CENPC: variants seen among roughly 807,000 people sequenced by gnomAD.
The protein encoded by CENPC is CENP-C 1.
CENPC carries 63 observed loss-of-function variants against 112.1 expected under a neutral mutation model. The ratio of observed to expected loss-of-function variants is 0.56; its 90% CI spans 0.46 to 0.69. CENPC has a LOEUF of 0.69. CENPC is among the 30% of genes least tolerant of loss of function. The pLI is 0.00. For synonymous variants in CENPC, 333 were observed against 367.6 expected, an observed-to-expected ratio of 0.91 and a Z score of 1.08; for missense variants, 1,000 against 1,103.8, an observed-to-expected ratio of 0.91 and a Z score of 1.33.
chr4:67,484,102 T>G (rs1383405072), intron 17 of CENPC, among the ~76,000 whole-genome samples: 1 of 152,176 alleles, frequency 6.6e-6, no homozygotes, highest in African/African-American at 2.4e-5. Context: ...AAAGCTCCAT[T>G]CATGGTAAGT....
At chr4:67,512,183 G>T in intron 9 of CENPC, 1 of 390,334 alleles carries the variant, frequency 2.6e-6, no homozygotes, top group Non-Finnish European at 4.5e-6. Context: ...TTTCTGGTTT[G>T]GGGTTTTGTT....
chr4:67,493,092 T>C, intron 14 of CENPC, 95 bp from the exon 15 acceptor site: 1 of 987,552 alleles, frequency 1.0e-6, no homozygotes. Flanking sequence ...CCTTTCAAAG[T>C]ACCAAAGAAT....
chr4:67,517,176 T>A (rs1208257231), intron 7 of CENPC, among the ~76,000 whole-genome samples: 2 of 151,804 alleles, frequency 1.3e-5, no homozygotes, highest in Non-Finnish European at 2.9e-5. Flanking sequence ...TCCTTTTTAT[T>A]TTTGAGACTG....
At chr4:67,542,605 G>C (rs1726918834) in intron 2 of CENPC, among the ~76,000 whole-genome samples, 1 of 152,144 alleles carries the variant, frequency 6.6e-6, no homozygotes, top group African/African-American at 2.4e-5. Flanking sequence ...GGTGATGGAG[G>C]TAATTCTGAT....
At chr4:67,542,550 C>T (rs1198357076) in intron 2 of CENPC, among the ~76,000 whole-genome samples, 7 of 152,162 alleles carry the variant, frequency 4.6e-5, no homozygotes, top group East Asian at 1.9e-4. Context: ...CAGAAATACA[C>T]TTAATTGGTC....
rs1371291549 is a variant in CENPC, at chr4:67,545,252, C to T, written c.18+86G>A. The T allele has an allele frequency of 4.5e-6, 6 of 1,322,608 alleles. 1 individual carries two copies. In the East Asian group the frequency reaches 8.9e-5, roughly 20 times the overall value. The allele number at this position is 1,322,608 out of a possible 1,614,324, so 81.9% of individuals were successfully genotyped here. A position where few individuals can be genotyped will look rare whatever the true frequency, so the allele number is the denominator to read the frequency against. On this transcript the variant is annotated intron_variant, in intron 1 of 18. Coordinates refer to ENST00000273853, the MANE Select transcript of CENPC (RefSeq NM_001812.4). Reference sequence around the variant, plus strand: ...ATCCCTCAGAGATCACAGCCTCAGCCTAGCATTTCCTTCTCCCCAGCCTCG... The same window carrying T: ...ATCCCTCAGAGATCACAGCCTCAGCTTAGCATTTCCTTCTCCCCAGCCTCG...
Position 67,519,270 on chromosome 4 carries a change from A to C in CENPC, c.564T>G (p.Asn188Lys), listed in dbSNP as rs1335080525. 5.6e-6 allele frequency: 9 copies of C among 1,606,470 alleles called. No individual in the cohort carries two copies. Among genetic ancestry groups the C allele is most frequent in the African/African-American group, 4.0e-5 (3 of 74,838 alleles). ...TACTTGAAGGCAGCATATTTACTGA[A>C]TTTTCAAAAGTGTAAGTCTCTCTCT... ...AQKRETYTFE[N>K]SVNMLPSSTE... is the part of the protein sequence containing the mutation. Residue 188 changes from asparagine to lysine, a missense_variant, in exon 6 of 19, where the codon AAT (asparagine) becomes AAG (lysine). Physicochemically the swap from Asn to Lys is moderately conservative, Grantham distance 94. Transcript: ENST00000273853.
chr4:67,500,858 G>A (rs1725573383), intron 12 of CENPC, among the ~76,000 whole-genome samples: 2 of 152,176 alleles, frequency 1.3e-5, no homozygotes, highest in Non-Finnish European at 2.9e-5. Context: ...AGTCTTGAAT[G>A]TATGTTAAGG....
chr4:67,470,614 G>C lies in CENPC; in HGVS notation c.*1991C>G, dbSNP rs372433679. ...AAAAGAAAAGAAAAAAGAAAATAAA[G>C]AAAAAATATTGCTAAAGCTTTGGAA... On this transcript the variant is annotated 3_prime_UTR_variant, in exon 19 of 19. Coordinates refer to ENST00000273853, the MANE Select transcript of CENPC (RefSeq NM_001812.4). 1.5e-5 allele frequency: 2 copies of C among 133,518 alleles called. No homozygotes were observed. Among genetic ancestry groups the C allele is most frequent in the African/African-American group, 5.5e-5 (2 of 36,230 alleles). The allele number at this position is 133,518 out of a possible 1,614,324, so 8.3% of individuals were successfully genotyped here.
At chr4:67,500,748 C>T (rs942103779) in intron 12 of CENPC, among the ~76,000 whole-genome samples, 8 of 151,876 alleles carry the variant, frequency 5.3e-5, no homozygotes, top group African/African-American at 1.9e-4. Context: ...AATTGGCATG[C>T]GGGAGAAAAA....
At chr4:67,479,010 C>A (rs2109762080) in intron 17 of CENPC, among the ~76,000 whole-genome samples, 1 of 152,278 alleles carries the variant, frequency 6.6e-6, no homozygotes, top group African/African-American at 2.4e-5. Flanking sequence ...ACTAGTCCAA[C>A]AGGAAAATAT....
intron 4 of CENPC, among the ~76,000 whole-genome samples, chr4:67,533,971 G>C (rs1402977762): frequency 6.6e-6 from 1 of 152,164 alleles, no homozygotes; most frequent in Non-Finnish European, 1.5e-5. Flanking sequence ...CCAGAGGTTT[G>C]AGGTTGCAGT....
chr4:67,514,686 G>A lies in CENPC; in HGVS notation c.832C>T (p.Pro278Ser). The A allele has an allele frequency of 3.7e-6, 6 of 1,603,844 alleles. No homozygotes were observed. Among genetic ancestry groups the A allele is most frequent in the Non-Finnish European group, 5.1e-6 (6 of 1,175,110 alleles). ...GCAGTTGCCGCATGCCTAACAATGG[G>A]ACTGAAACAGGGTGATACTTTTAAC... The part of the protein sequence containing the change: ...ETVKRKSESS[P>S]IVRHAATAPP... Residue 278 changes from proline (P) to serine (S), a missense_variant and splice_region_variant, in exon 8 of 19, where the codon CCC (proline) becomes TCC (serine). Physicochemically the swap from Pro to Ser is moderately conservative, Grantham distance 74. Coordinates refer to ENST00000273853, the MANE Select transcript of CENPC (RefSeq NM_001812.4).
chr4:67,486,212 T>A (rs355468), intron 17 of CENPC, among the ~76,000 whole-genome samples: 25,600 of 152,096 alleles, frequency 0.17, 2,970 homozygotes, highest in East Asian at 0.57. Context: ...AATAGAATGA[T>A]GAACTCTCAT....
chr4:67,474,330 G>A lies in CENPC; in HGVS notation c.2761+558C>T, dbSNP rs947097291. 2.6e-5 allele frequency among the ~76,000 whole-genome samples: 4 copies of A among 152,232 alleles called. No individual in the cohort carries two copies. The East Asian group carries it at 7.8e-4, about 30-fold the overall frequency. ...TTTGCCCACTTTGGCCTCCTAAAGT[G>A]CTGGTATTACAGGCATGAGCCACCA... On this transcript the variant is annotated intron_variant, in intron 18 of 18. Transcript: ENST00000273853.
At chr4:67,505,184 A>AG in intron 12 of CENPC, 21 bp downstream of exon 12, 1 of 1,511,234 alleles carries the variant, frequency 6.6e-7, no homozygotes, top group Non-Finnish European at 9.0e-7. Flanking sequence ...AAATCAAGAC[A>AG]GAAAAAAAAC....
In CENPC at chr4:67,492,893, T is replaced by A. The variant is rs2109778389; in HGVS notation, c.2395A>T (p.Ile799Phe). 6.4e-7 allele frequency: 1 copy of A among 1,569,722 alleles called. No homozygotes were observed. Among genetic ancestry groups the A allele is most frequent in the African/African-American group, 1.3e-5 (1 of 74,226 alleles). The change falls in exon 15 of 19, where the codon ATC (isoleucine) becomes TTC (phenylalanine). Residue 799 changes from isoleucine to phenylalanine, a missense_variant. Physicochemically the swap from Ile to Phe is conservative, Grantham distance 21. Coordinates refer to ENST00000273853, the MANE Select transcript of CENPC (RefSeq NM_001812.4). ...CTTCTTTCATCGTTATCAAGACAGA[T>A]CCTTTTCTTATTAGATTTTTTGTTG... The part of the protein sequence containing the change: ...KVNKKSNKKR[I>F]CLDNDERKTN...
intron 16 of CENPC, among the ~76,000 whole-genome samples, chr4:67,490,893 T>C (rs1212936638): frequency 7.2e-6 from 1 of 139,506 alleles, no homozygotes; most frequent in Admixed American, 7.2e-5. Flanking sequence ...TATATAGAAA[T>C]ATATATATAG....
At chr4:67,530,993 G>T (rs1726532766) in intron 4 of CENPC, 79 bp from the exon 5 acceptor site, 1 of 646,966 alleles carries the variant, frequency 1.5e-6, no homozygotes, top group Non-Finnish European at 2.5e-6. Flanking sequence ...TTTTTAAATG[G>T]GGGGAAAAAC....
Sources: allele counts gnomAD v4.1 joint callset (sites outside exome capture counted in the v4.1 genomes callset), GRCh38; gene constraint gnomAD v4.1.1; transcripts MANE v1.5; gene names NCBI Gene and HGNC (gene_info 2026-07-23, HGNC 2026-07-21).